The following MYBPC3 variants were observed in gnomAD, a reference collection of about 807,000 sequenced individuals.
The protein encoded by MYBPC3 is myosin-binding protein C, cardiac-type.
MYBPC3 carries 108 observed loss-of-function variants against 159.3 expected under a neutral mutation model. The observed-to-expected ratio is 0.68, with a 90% confidence interval of 0.58 to 0.80. The LOEUF is 0.80. Ranked by LOEUF, MYBPC3 falls within the 30% of genes least tolerant of loss-of-function variation. The probability of loss-of-function intolerance (pLI) is 0.00; values close to 1 mark genes in which losing one functional copy is unlikely to be tolerated. For synonymous variants in MYBPC3, 730 were observed against 702.0 expected, an observed-to-expected ratio of 1.04 and a Z score of -0.63; for missense variants, 1,631 against 1,762.1, an observed-to-expected ratio of 0.93 and a Z score of 1.33.
Position 47,333,281 on chromosome 11 carries a change from A to G in MYBPC3, c.3243T>C (p.Asn1081=), listed in dbSNP as rs2095879075. Residue 1081 remains asparagine, a synonymous_variant, in exon 30 of 35, where the codon AAT becomes AAC. Coordinates refer to ENST00000545968, the MANE Select transcript of MYBPC3 (RefSeq NM_000256.3). ...GGGGTGGCTTCCACTCCAGAGCCAC[A>G]TTAAGACCCCAGGCGTCAGTCACCC... ...DLRVTDAWGL[N]VALEWKPPQD... is the part of the protein sequence containing the mutation. 1.9e-6 allele frequency: 3 copies of G among 1,590,708 alleles called. No individual in the cohort carries two copies. Among genetic ancestry groups the G allele is most frequent in the South Asian group, 2.3e-5 (2 of 87,486 alleles).
chr11:47,342,440 A>G (rs2142860687), intron 17 of MYBPC3, 138 bp downstream of exon 17: 2 of 1,146,706 alleles, frequency 1.7e-6, no homozygotes, highest in East Asian at 2.6e-5. Context: ...GATGAGAAGG[A>G]TGAGGTTTAG....
chr11:47,334,386 T>C (rs1382236452), intron 27 of MYBPC3, among the ~76,000 whole-genome samples: 2 of 152,188 alleles, frequency 1.3e-5, no homozygotes, highest in Non-Finnish European at 2.9e-5. Flanking sequence ...ATGGACCCTT[T>C]GTTGGGACAA....
intron 25 of MYBPC3, among the ~76,000 whole-genome samples, chr11:47,336,992 G>A (rs570501231): frequency 1.3e-5 from 2 of 152,350 alleles, no homozygotes; most frequent in Admixed American, 6.5e-5. Flanking sequence ...CTGGGTTGAA[G>A]GGTGTGGAGA....
chr11:47,340,959 C>A, intron 20 of MYBPC3, 44 bp downstream of exon 20: 2 of 1,500,826 alleles, frequency 1.3e-6, no homozygotes, highest in Non-Finnish European at 1.8e-6. Flanking sequence ...GGGTGGGTTG[C>A]GGGAAAGTGA....
intron 30 of MYBPC3, 69 bp downstream of exon 30, chr11:47,333,125 G>T: frequency 6.5e-7 from 1 of 1,547,998 alleles, no homozygotes; most frequent in Non-Finnish European, 8.7e-7. Context: ...GGACAGTGAA[G>T]GGTAGCTGCG....
intron 9 of MYBPC3, 51 bp from the exon 10 acceptor site, chr11:47,347,080 G>C (rs2095895075): frequency 2.2e-6 from 2 of 889,998 alleles, no homozygotes; most frequent in Admixed American, 3.5e-5. Context: ...GAGAGGGAGA[G>C]AGAGGGCAGA....
At position 47,332,546 on chromosome 11, in the gene MYBPC3, C is replaced by A. The variant is rs1416595747; in HGVS notation, c.3627+20G>T. On this transcript the variant is annotated intron_variant, in intron 32 of 34. Transcript: ENST00000545968. The surrounding 1 kb of genome is among the most constrained non-coding windows in gnomAD (Gnocchi z 4.2). Reference sequence around the variant, plus strand: ...GCCCTGCCTCCTGGTCGGCCTGGACCAGCGCCTAAAGTTCCCTACCTTGGG... The same window carrying A: ...GCCCTGCCTCCTGGTCGGCCTGGACAAGCGCCTAAAGTTCCCTACCTTGGG... The A allele has an allele frequency of 6.3e-7, 1 of 1,599,102 alleles. No homozygotes were observed. Among genetic ancestry groups the A allele is most frequent in the Admixed American group, 1.7e-5 (1 of 59,070 alleles).
Position 47,351,443 on chromosome 11 carries a change from C to T in MYBPC3, c.88G>A (p.Glu30Lys), listed in dbSNP as rs761079937. The stretch of plus-strand genomic sequence containing the variant: ...ACTCCTGCCCGCTCTGTCTCGGCCT[C>T]GAACACGGCAGGGCTGCCTGCGGCC... ...EVAAGSPAVF[E>K]AETERAGVKV... Residue 30 changes from glutamate (E) to lysine (K), a missense_variant, in exon 2 of 35, where the codon GAG (glutamate) becomes AAG (lysine). Transcript: ENST00000545968. This position sits in a 1 kb window ranked among gnomAD's most constrained non-coding sequence, Gnocchi z 4.2. The T allele has an allele frequency of 1.3e-5, 21 of 1,608,372 alleles. No individual in the cohort carries two copies. Among genetic ancestry groups the T allele is most frequent in the Admixed American group, 8.4e-5 (5 of 59,694 alleles).
rs768380030 is a variant in MYBPC3, at chr11:47,341,220, G to A, written c.1815C>T (p.Asp605=). 20 of 1,593,176 alleles carry A rather than the reference G, an allele frequency of 1.3e-5. No individual in the cohort carries two copies. The highest frequency in any genetic ancestry group is 9.1e-5 in the East Asian group (4 of 43,716). Residue 605 remains aspartate, a synonymous_variant, in exon 19 of 35, where the codon GAC becomes GAT. Transcript: ENST00000545968. The part of the protein sequence containing the change: ...IGRVHKLTID[D]VTPADEADYS... ...AGTCAGCCTCGTCGGCAGGTGTGAC[G>A]TCGTCAATGGTCAGTTTGTGGACCC...
intron 22 of MYBPC3, 95 bp downstream of exon 22, chr11:47,339,229 G>A: frequency 9.6e-6 from 13 of 1,349,808 alleles, no homozygotes; most frequent in Non-Finnish European, 4.3e-6. Context: ...GCCAAGTGTG[G>A]CACCTCCATG....
intron 9 of MYBPC3, 179 bp downstream of exon 9, chr11:47,347,247 C>T (rs1303316020): frequency 2.0e-6 from 2 of 985,250 alleles, no homozygotes; most frequent in African/African-American, 1.7e-5. Context: ...GTTGACGGGA[C>T]ATAATGTCTG....
chr11:47,337,108 C>A (rs1299134458), intron 25 of MYBPC3, among the ~76,000 whole-genome samples: 2 of 152,204 alleles, frequency 1.3e-5, no homozygotes. Context: ...TGTCATTATT[C>A]CCATTTTGTA....
In MYBPC3 at chr11:47,332,207, A is replaced by G; in HGVS notation, c.3679T>C (p.Phe1227Leu). 6.2e-7 allele frequency: 1 copy of G among 1,613,862 alleles called. No homozygotes were observed. Among genetic ancestry groups the G allele is most frequent in the South Asian group, 1.1e-5 (1 of 91,086 alleles). Residue 1227 changes from phenylalanine (F) to leucine (L), a missense_variant, in exon 33 of 35, where the codon TTC (phenylalanine) becomes CTC (leucine). Transcript: ENST00000545968. This position sits in a 1 kb window ranked among gnomAD's most constrained non-coding sequence, Gnocchi z 4.2. ...ACTCCCTGCTTGCTGAACATGCGGA[A>G]GCGGGCGTCTTCTCCCAGGTCCAGG... ...NGLDLGEDAR[F>L]RMFSKQGVLT...
At position 47,332,731 on chromosome 11, in the gene MYBPC3, G is replaced by A. The variant is rs2095878415; in HGVS notation, c.3491-29C>T. 1 of 1,592,898 alleles carries A rather than the reference G, an allele frequency of 6.3e-7. No homozygotes were observed. The highest frequency in any genetic ancestry group is 1.1e-5 in the South Asian group (1 of 88,716). ...TTGGTGACAGGACTTGGTACCGAGA[G>A]GGCCACACAAAGCTAGGCCCCTCTC... On this transcript the variant is annotated intron_variant, in intron 31 of 34. Coordinates refer to ENST00000545968, the MANE Select transcript of MYBPC3 (RefSeq NM_000256.3). The surrounding 1 kb of genome is among the most constrained non-coding windows in gnomAD (Gnocchi z 4.2).
In MYBPC3 at chr11:47,335,955, A is replaced by G; in HGVS notation, c.2659T>C (p.Ser887Pro). 1 of 1,565,884 alleles carries G rather than the reference A, an allele frequency of 6.4e-7. No homozygotes were observed. The highest frequency in any genetic ancestry group is 1.9e-5 in the Admixed American group (1 of 53,608). Residue 887 changes from serine (S) to proline (P), a missense_variant, in exon 26 of 35, where the codon TCC becomes CCC. Coordinates refer to ENST00000545968, the MANE Select transcript of MYBPC3 (RefSeq NM_000256.3). ...AVEDVSDTTV[S>P]LKWRPPERVG... is the part of the protein sequence containing the mutation. The stretch of plus-strand genomic sequence containing the variant: ...CGCTCTGGGGGCCGCCACTTGAGGG[A>G]GACCGTGGTGTCAGAGACGTCCTCT...
Position 47,346,250 on chromosome 11 carries a change from T to C in MYBPC3, c.1047A>G (p.Leu349=). The C allele has an allele frequency of 6.2e-7, 1 of 1,613,902 alleles. No individual in the cohort carries two copies. The highest frequency in any genetic ancestry group is 8.5e-7 in the Non-Finnish European group (1 of 1,179,828). Reference sequence around the variant, plus strand: ...CGCGCCTCATGCCCTTGAGCCTCTTTAGCATGCCGCGCAGGTCAGTGACGC... The same window carrying C: ...CGCGCCTCATGCCCTTGAGCCTCTTCAGCATGCCGCGCAGGTCAGTGACGC... ...QYGVTDLRGM[L]KRLKGMRRDE... Residue 349 remains leucine (L), a synonymous_variant, in exon 12 of 35, where the codon CTA becomes CTG. Transcript: ENST00000545968. The surrounding 1 kb of genome is among the most constrained non-coding windows in gnomAD (Gnocchi z 5.3).
chr11:47,336,598 C>A (rs747624256), intron 25 of MYBPC3, among the ~76,000 whole-genome samples: 1 of 151,866 alleles, frequency 6.6e-6, no homozygotes, highest in Admixed American at 6.6e-5. Flanking sequence ...AACCAGGAAT[C>A]AGTCCCTAAA....
chr11:47,342,369 C>CAG (rs1349959536), intron 17 of MYBPC3, among the ~76,000 whole-genome samples: 3 of 152,228 alleles, frequency 2.0e-5, no homozygotes, highest in Non-Finnish European at 4.4e-5. Flanking sequence ...TGATGCTCAC[C>CAG]AGGCCCGTAT....
In MYBPC3 at chr11:47,335,178, C is replaced by T. The variant is rs577575638; in HGVS notation, c.2769G>A (p.Leu923=). ...CSEWVAALQG[L]TEHTSILVKD... is the part of the protein sequence containing the mutation. ...TCACCAGTATCGATGTGTGCTCTGT[C>T]AGCCCCTGCAGGGCAGCCACCCACT... is the stretch of plus-strand genomic sequence containing the variant. The change falls in exon 27 of 35, where the codon CTG becomes CTA. Residue 923 remains leucine (L), a synonymous_variant. Transcript: ENST00000545968. 1.2e-6 allele frequency: 2 copies of T among 1,608,874 alleles called. No homozygotes were observed. Among genetic ancestry groups the T allele is most frequent in the South Asian group, 2.2e-5 (2 of 90,288 alleles).
Sources: gnomAD v4.1 joint callset for allele counts (sites outside exome capture counted in the v4.1 genomes callset) on GRCh38, gnomAD v4.1.1 for gene constraint, Gnocchi (gnomAD v3.1) non-coding constraint, MANE v1.5 for transcripts, NCBI Gene and HGNC (gene_info 2026-07-23, HGNC 2026-07-21) for gene names.